Variants in TAB2 observed in about 807,000 individuals in gnomAD.
TAB2 encodes TGF-beta activated kinase 1 (MAP3K7) binding protein 2, also known as TGF-beta-activated kinase 1 and MAP3K7-binding protein 2.
Under a neutral mutation model 65.0 loss-of-function variants are expected in TAB2, and 3 were observed. That is an observed-to-expected ratio of 0.05 (90% CI 0.02 to 0.12). TAB2 has a LOEUF of 0.12. Among genes scored for constraint, TAB2 ranks in the 10% least tolerant of loss-of-function variants. The pLI is 1.00. For synonymous variants in TAB2, 298 were observed against 285.1 expected, an observed-to-expected ratio of 1.05 and a Z score of -0.46; for missense variants, 623 against 840.3, an observed-to-expected ratio of 0.74 and a Z score of 3.20.
intron 1 of TAB2, among the ~76,000 whole-genome samples, chr6:149,285,114 G>A (rs1248064412): frequency 6.6e-6 from 1 of 152,202 alleles, no homozygotes; most frequent in African/African-American, 2.4e-5. Context: ...GTGACACTGG[G>A]CAGGTTATTT....
intron 1 of TAB2, among the ~76,000 whole-genome samples, chr6:149,240,135 A>C (rs1459972930): frequency 1.3e-5 from 2 of 152,196 alleles, no homozygotes; most frequent in African/African-American, 4.8e-5. Context: ...TATTATAATT[A>C]ATTCTAAAAA....
chr6:149,327,634 T>TA (rs1351262368), intron 1 of TAB2, among the ~76,000 whole-genome samples: 3 of 152,182 alleles, frequency 2.0e-5, no homozygotes, highest in Non-Finnish European at 2.9e-5. Flanking sequence ...CCGTGTCAAA[T>TA]AAAAGTTGCT....
At chr6:149,335,881 T>C (rs1462773239) in intron 1 of TAB2, among the ~76,000 whole-genome samples, 2 of 152,120 alleles carry the variant, frequency 1.3e-5, no homozygotes, top group East Asian at 1.9e-4. Flanking sequence ...TTACAATATA[T>C]TATGTATATT....
intron 6 of TAB2, chr6:149,400,983 G>C (rs766599402): frequency 3.1e-6 from 1 of 318,684 alleles, no homozygotes; most frequent in Non-Finnish European, 6.0e-6. Flanking sequence ...TCCATTAGTG[G>C]CATGTTCATT....
At chr6:149,333,704 C>A (rs1779848428) in intron 1 of TAB2, among the ~76,000 whole-genome samples, 1 of 128,594 alleles carries the variant, frequency 7.8e-6, no homozygotes, top group Non-Finnish European at 1.6e-5. Flanking sequence ...ATTTCCAGAT[C>A]CATAGTGTGT....
intron 1 of TAB2, among the ~76,000 whole-genome samples, chr6:149,358,540 C>G (rs898884018): frequency 2.0e-5 from 3 of 151,952 alleles, no homozygotes; most frequent in Admixed American, 2.0e-4. Flanking sequence ...GCTCTTTTCT[C>G]TCTGATTGTT....
intron 6 of TAB2, among the ~76,000 whole-genome samples, chr6:149,401,681 A>G (rs982862698): frequency 2.0e-5 from 3 of 152,194 alleles, no homozygotes; most frequent in East Asian, 3.8e-4. Flanking sequence ...TTGAACAAGC[A>G]CACACGGAAC....
At chr6:149,242,100 C>T (rs528436277) in intron 1 of TAB2, among the ~76,000 whole-genome samples, 3 of 152,112 alleles carry the variant, frequency 2.0e-5, no homozygotes, top group Non-Finnish European at 2.9e-5. Flanking sequence ...TGTCACTGCT[C>T]GGGATGGCCC....
intron 1 of TAB2, among the ~76,000 whole-genome samples, chr6:149,275,137 T>TA (rs1296320292): frequency 7.9e-6 from 1 of 125,812 alleles, no homozygotes; most frequent in African/African-American, 3.5e-5. Context: ...TTTTTTTTTT[T>TA]TTTTTTGAGT....
At chr6:149,291,442 G>A (rs1778774970) in intron 1 of TAB2, 1 of 152,240 alleles carries the variant, frequency 6.6e-6, no homozygotes, top group South Asian at 2.1e-4. Context: ...GGGCCATAGT[G>A]CTCTAAACCG....
At chr6:149,348,631 A>G (rs1780382707) in intron 1 of TAB2, among the ~76,000 whole-genome samples, 1 of 151,634 alleles carries the variant, frequency 6.6e-6, no homozygotes, top group South Asian at 2.1e-4. Flanking sequence ...AAAAGGAATT[A>G]TGGCTGTAAC....
At chr6:149,369,333 T>C (rs1781143057) in intron 1 of TAB2, among the ~76,000 whole-genome samples, 1 of 152,068 alleles carries the variant, frequency 6.6e-6, no homozygotes, top group African/African-American at 2.4e-5. Flanking sequence ...ATCAAACCCC[T>C]TGGGAAATAT....
At chr6:149,324,966 T>A (rs942066418) in intron 1 of TAB2, among the ~76,000 whole-genome samples, 1 of 152,056 alleles carries the variant, frequency 6.6e-6, no homozygotes, top group East Asian at 1.9e-4. Flanking sequence ...CCAGCTGATT[T>A]CTAAAAATTT....
chr6:149,321,126 G>C (rs1462826265), intron 1 of TAB2: 1 of 152,168 alleles, frequency 6.6e-6, no homozygotes, highest in Non-Finnish European at 1.5e-5. Flanking sequence ...TGATCATGCT[G>C]AACTGTACAA....
At chr6:149,218,401 C>CA (rs1350647660), upstream of TAB2, among the ~76,000 whole-genome samples, 1 of 151,942 alleles carries the variant, frequency 6.6e-6, no homozygotes, top group Non-Finnish European at 1.5e-5. Flanking sequence ...TAATCAGGGA[C>CA]AAAAAAGAGA....
intron 1 of TAB2, among the ~76,000 whole-genome samples, chr6:149,330,821 G>A (rs1384593598): frequency 6.6e-6 from 1 of 152,036 alleles, no homozygotes; most frequent in Non-Finnish European, 1.5e-5. Flanking sequence ...TATGGATTGT[G>A]CCTTTCTTGT....
intron 1 of TAB2, among the ~76,000 whole-genome samples, chr6:149,349,501 T>C (rs1238459383): frequency 6.6e-6 from 1 of 151,910 alleles, no homozygotes; most frequent in African/African-American, 2.4e-5. Flanking sequence ...GACATGCAGA[T>C]CTGTTAAGCT....
rs376125176 is a variant in TAB2 at position 149,359,276 on chromosome 6, T to C, written c.-89-10633T>C. On this transcript the variant is annotated intron_variant, in intron 1 of 6. Transcript: ENST00000637181. ...AAAGAAATAAGATTCCATAGCAGTT[T>C]TACTTTTGTTTCTGCCAGGAATCCT... 2.8e-4 allele frequency among the ~76,000 whole-genome samples: 43 copies of C among 152,348 alleles called. No individual in the cohort carries two copies. In the South Asian group the frequency reaches 8.7e-3, roughly 31 times the overall value.
chr6:149,353,697 G>A (rs368498698), intron 1 of TAB2, among the ~76,000 whole-genome samples: 3 of 152,130 alleles, frequency 2.0e-5, no homozygotes, highest in Admixed American at 6.5e-5. Context: ...AACTTTTTGC[G>A]TAGCTTTCTA....
Sources: allele counts gnomAD v4.1 joint callset (sites outside exome capture counted in the v4.1 genomes callset), GRCh38; gene constraint gnomAD v4.1.1; transcripts MANE v1.5; gene names NCBI Gene and HGNC (gene_info 2026-07-23, HGNC 2026-07-21).